Variants in OR2L13 observed in about 807,000 individuals in gnomAD.
The protein encoded by OR2L13 is olfactory receptor family 2 subfamily L member 13.
OR2L13 carries 14 observed loss-of-function variants against 15.3 expected under a neutral mutation model. The ratio of observed to expected loss-of-function variants is 0.91; its 90% confidence interval spans 0.60 to 1.43. OR2L13 has a LOEUF of 1.43. OR2L13 is among the 40% of genes most tolerant of loss of function. The pLI is 0.00. For missense variants in OR2L13, 367 were observed against 387.9 expected, an observed-to-expected ratio of 0.95 and a Z score of 0.45; for synonymous variants, 152 against 142.9, an observed-to-expected ratio of 1.06 and a Z score of -0.45.
At chr1:248,002,713 C>A in the OR2L13 span, among the ~76,000 whole-genome samples, 2 of 152,184 alleles carry the variant, frequency 1.3e-5, no homozygotes, top group African/African-American at 4.8e-5. Context: ...AAGAATTTAG[C>A]CAGGCGTGGT....
chr1:248,098,167 A>G (rs770117559), intron 1 of OR2L13, among the ~76,000 whole-genome samples: 4 of 152,158 alleles, frequency 2.6e-5, no homozygotes, highest in Non-Finnish European at 2.9e-5. Context: ...TAGAATCGTA[A>G]TCACTACATA....
rs996578834 is a variant in OR2L13 at position 248,098,645 on chromosome 1, G to A, written c.-143-6G>A. On this transcript the variant is annotated splice_polypyrimidine_tract_variant and splice_region_variant and intron_variant, in intron 1 of 2. Coordinates refer to ENST00000641714, the Ensembl canonical transcript of OR2L13. ...TTGCAACAAACTATGATTTGCTTTT[G>A]AACAGCAAAAGTTGAAAAATCAGTA... 5.3e-5 allele frequency: 8 copies of A among 152,054 alleles called. No homozygotes were observed. The highest frequency in any genetic ancestry group is 1.0e-4 in the Non-Finnish European group (7 of 68,028). 9.4% of individuals were successfully genotyped at this position (152,054 alleles called of 1,614,324 possible).
the OR2L13 span, among the ~76,000 whole-genome samples, chr1:247,993,762 GGAGA>G: frequency 2.4e-4 from 13 of 53,668 alleles, no homozygotes; most frequent in South Asian, 3.0e-3. Context: ...AGAGAGAGGG[GGAGA>G]GAGAGAGAGA....
chr1:247,980,173 C>G, the OR2L13 span, among the ~76,000 whole-genome samples: 1 of 151,986 alleles, frequency 6.6e-6, no homozygotes, highest in South Asian at 2.1e-4. Context: ...TAAATATACC[C>G]TAGATAGTAT....
chr1:248,014,711 T>TGA, the OR2L13 span, among the ~76,000 whole-genome samples: 3 of 152,096 alleles, frequency 2.0e-5, no homozygotes, highest in Non-Finnish European at 2.9e-5. Context: ...AACTTGTAGA[T>TGA]TCTCTTCAAT....
the OR2L13 span, among the ~76,000 whole-genome samples, chr1:247,981,600 G>T: frequency 6.6e-6 from 1 of 152,192 alleles, no homozygotes; most frequent in African/African-American, 2.4e-5. Flanking sequence ...CAGAGTTTTT[G>T]TGAGAAGCAA....
At chr1:248,036,914 T>C in the OR2L13 span, among the ~76,000 whole-genome samples, 2 of 152,198 alleles carry the variant, frequency 1.3e-5, no homozygotes, top group Non-Finnish European at 2.9e-5. Flanking sequence ...TTCATATGAA[T>C]GGGAGGATCC....
At chr1:248,070,891 T>G in the OR2L13 span, among the ~76,000 whole-genome samples, 1 of 152,116 alleles carries the variant, frequency 6.6e-6, no homozygotes, top group East Asian at 1.9e-4. Context: ...ATGGATAAAT[T>G]CCTCGACACA....
At chr1:248,089,958 C>T in the OR2L13 span, among the ~76,000 whole-genome samples, 415 of 152,224 alleles carry the variant, frequency 2.7e-3, 1 homozygote, top group African/African-American at 9.4e-3. Flanking sequence ...TTTGAGATGT[C>T]CCATTTTTTC....
At chr1:247,990,981 G>C in the OR2L13 span, 1 of 1,505,724 alleles carries the variant, frequency 6.6e-7, no homozygotes, top group Non-Finnish European at 9.2e-7. Flanking sequence ...AGGCCTATTC[G>C]ACCTGCAGCA....
chr1:248,079,862 T>G, the OR2L13 span, among the ~76,000 whole-genome samples: 1 of 152,168 alleles, frequency 6.6e-6, no homozygotes, highest in Non-Finnish European at 1.5e-5. Context: ...AATAAAAGAT[T>G]GATGAATTTA....
chr1:248,003,895 C>T, the OR2L13 span: 2 of 1,612,602 alleles, frequency 1.2e-6, no homozygotes, highest in African/African-American at 2.7e-5. Flanking sequence ...CACCTTTTGT[C>T]TACACCTATC....
chr1:248,078,893 T>A, the OR2L13 span, among the ~76,000 whole-genome samples: 4 of 152,256 alleles, frequency 2.6e-5, no homozygotes, highest in Non-Finnish European at 4.4e-5. Flanking sequence ...ACATAATGTA[T>A]GTTTTATATC....
the OR2L13 span, among the ~76,000 whole-genome samples, chr1:248,079,758 A>G: frequency 2.0e-5 from 3 of 152,220 alleles, no homozygotes; most frequent in African/African-American, 7.2e-5. Flanking sequence ...GCAAAAACTA[A>G]TTGGAAAAGA....
the OR2L13 span, among the ~76,000 whole-genome samples, chr1:248,073,449 G>A: frequency 6.6e-6 from 1 of 152,038 alleles, no homozygotes; most frequent in Non-Finnish European, 1.5e-5. Context: ...ACATAGGAAG[G>A]GGAACATCAC....
the OR2L13 span, among the ~76,000 whole-genome samples, chr1:248,005,569 A>G: frequency 1.3e-5 from 2 of 152,062 alleles, no homozygotes; most frequent in African/African-American, 4.8e-5. Flanking sequence ...AATGGTTTTT[A>G]CTATTTATGT....
chr1:247,946,864 A>C, the OR2L13 span, among the ~76,000 whole-genome samples: 1 of 152,208 alleles, frequency 6.6e-6, no homozygotes, highest in Non-Finnish European at 1.5e-5. Context: ...ATACAAAAAA[A>C]AACTATTGCA....
the OR2L13 span, among the ~76,000 whole-genome samples, chr1:247,989,692 T>G: frequency 6.6e-6 from 1 of 152,202 alleles, no homozygotes. Flanking sequence ...CTAACTAAAC[T>G]AAGGACTTTT....
chr1:248,051,091 C>T, the OR2L13 span: 1 of 152,160 alleles, frequency 6.6e-6, no homozygotes, highest in Non-Finnish European at 1.5e-5. Flanking sequence ...ACCATCACTA[C>T]CATGCACCTG....
Sources: gnomAD v4.1 joint callset for allele counts (sites outside exome capture counted in the v4.1 genomes callset) on GRCh38, gnomAD v4.1.1 for gene constraint, MANE v1.5 for transcripts, NCBI Gene and HGNC (gene_info 2026-07-23, HGNC 2026-07-21) for gene names.